Variants in MMP16 observed in about 807,000 individuals in gnomAD.
MMP16 encodes matrix metallopeptidase 16, also known as matrix metalloproteinase-16.
Under a neutral mutation model 67.8 loss-of-function variants are expected in MMP16, and 12 were observed. The observed-to-expected ratio is 0.18, with a 90% CI of 0.11 to 0.29. The LOEUF (loss-of-function observed/expected upper bound fraction) is 0.29, where lower values mean the gene tolerates loss of function less well. MMP16 is among the 10% of genes least tolerant of loss of function. The pLI, the probability that MMP16 is intolerant of heterozygous loss-of-function variation, is 1.00. For synonymous variants in MMP16, 249 were observed against 255.9 expected (o/e 0.97, Z 0.26); for missense variants, 475 against 765.7 (o/e 0.62, Z 4.48).
At chr8:88,099,393 C>A (rs1045436679) in intron 6 of MMP16, among the ~76,000 whole-genome samples, 1 of 151,682 alleles carries the variant, frequency 6.6e-6, no homozygotes, top group Non-Finnish European at 1.5e-5. Flanking sequence ...TGACTTAATA[C>A]AATTTAAAAC....
rs1808013269 is a variant in MMP16 at position 88,033,548 on chromosome 8, GT to G, written c.*7912del. 6.6e-6 allele frequency: 1 copy of G among 151,790 alleles called. No individual in the cohort carries two copies. The highest frequency in any genetic ancestry group is 1.5e-5 in the Non-Finnish European group (1 of 67,876). 9.4% of individuals were successfully genotyped at this position (151,790 alleles called of 1,614,324 possible). ...CAACTATGAACTAATTAGATTTTAT[GT>G]TTTTGTTTAAAAAGTTAAGTTTATT... On this transcript the variant is annotated 3_prime_UTR_variant, in exon 10 of 10. Coordinates refer to ENST00000286614, the MANE Select transcript of MMP16 (RefSeq NM_005941.5).
intron 1 of MMP16, among the ~76,000 whole-genome samples, chr8:88,228,913 C>A (rs529087543): frequency 2.0e-5 from 3 of 152,020 alleles, no homozygotes. Flanking sequence ...GTAACCTCAG[C>A]ACTTTGGGAA....
chr8:88,249,014 C>T (rs762062841), intron 1 of MMP16, among the ~76,000 whole-genome samples: 2 of 151,724 alleles, frequency 1.3e-5, no homozygotes, highest in East Asian at 1.9e-4. Context: ...CAATCACCAA[C>T]GCAACTCTTT....
intron 4 of MMP16, among the ~76,000 whole-genome samples, chr8:88,154,948 A>C (rs1808483553): frequency 6.6e-6 from 1 of 151,958 alleles, no homozygotes. Context: ...TTCTTATGGC[A>C]GTATAGATCA....
chr8:88,294,692 AT>A (rs1810986082), intron 1 of MMP16, among the ~76,000 whole-genome samples: 1 of 152,110 alleles, frequency 6.6e-6, no homozygotes, highest in South Asian at 2.1e-4. Flanking sequence ...AGTTAATGGA[AT>A]ATTAGAATTG....
chr8:88,273,373 G>A (rs1019672838), intron 1 of MMP16, among the ~76,000 whole-genome samples: 5 of 151,666 alleles, frequency 3.3e-5, no homozygotes, highest in Admixed American at 2.6e-4. Flanking sequence ...TTACAGGCGT[G>A]AGCCACCGCA....
intron 1 of MMP16, among the ~76,000 whole-genome samples, chr8:88,205,111 T>C (rs992807516): frequency 7.9e-5 from 12 of 152,226 alleles, no homozygotes; most frequent in African/African-American, 2.9e-4. Flanking sequence ...ACATGCATTA[T>C]CTTTAATCCT....
rs398008661 is a variant in MMP16 at position 88,265,223 on chromosome 8, C to CTTTTTTTT, written c.132+61844_132+61851dup. Reference sequence around the variant, plus strand: ...AACTAAGGGTAGAAATGACCATTTCCTTTTTTTTTTTTTTTTTTTTCAGAT... The same window carrying CTTTTTTTT: ...AACTAAGGGTAGAAATGACCATTTCCTTTTTTTTTTTTTTTTTTTTTTTTTTTTCAGAT... On this transcript the variant is annotated intron_variant, in intron 1 of 9. Coordinates refer to ENST00000286614, the MANE Select transcript of MMP16 (RefSeq NM_005941.5). Among the ~76,000 whole-genome samples, 910 of 100,710 alleles carry CTTTTTTTT rather than the reference C, an allele frequency of 9.0e-3. 64 individuals carry two copies. The highest frequency in any genetic ancestry group is 0.022 in the African/African-American group (537 of 24,862). The allele number at this position is 100,710 out of a possible 152,430, so 66.1% of individuals were successfully genotyped here. A position where few individuals can be genotyped will look rare whatever the true frequency, so the allele number is the denominator to read the frequency against.
intron 1 of MMP16, among the ~76,000 whole-genome samples, chr8:88,286,567 G>C (rs1810835164): frequency 7.3e-6 from 1 of 137,254 alleles, no homozygotes; most frequent in Non-Finnish European, 1.6e-5. Flanking sequence ...ATGAGTCAGA[G>C]ACCTGGAACT....
chr8:88,097,307 C>A (rs1482384399), intron 6 of MMP16, among the ~76,000 whole-genome samples: 1 of 151,766 alleles, frequency 6.6e-6, no homozygotes, highest in Non-Finnish European at 1.5e-5. Flanking sequence ...TGTACAGATT[C>A]ATGCTGCTTA....
At chr8:88,190,780 A>T (rs1401863) in intron 2 of MMP16, among the ~76,000 whole-genome samples, 1 of 152,106 alleles carries the variant, frequency 6.6e-6, no homozygotes, top group Non-Finnish European at 1.5e-5. Context: ...AAATCTAGTC[A>T]CCACCTTTTT....
chr8:88,072,292 G>A (rs1808571984), intron 7 of MMP16, among the ~76,000 whole-genome samples: 1 of 152,072 alleles, frequency 6.6e-6, no homozygotes, highest in African/African-American at 2.4e-5. Flanking sequence ...AGGGTGCTAG[G>A]ACTCTCACTC....
At chr8:88,235,685 C>T (rs1002154629) in intron 1 of MMP16, among the ~76,000 whole-genome samples, 2 of 152,028 alleles carry the variant, frequency 1.3e-5, no homozygotes, top group Non-Finnish European at 2.9e-5. Context: ...ATAGCTCTTT[C>T]GGAGAGGGGG....
chr8:88,074,599 C>T lies in MMP16; in HGVS notation c.1222+6G>A, dbSNP rs1452160429. 3.7e-6 allele frequency: 6 copies of T among 1,612,520 alleles called. No individual in the cohort carries two copies. Among genetic ancestry groups the T allele is most frequent in the Non-Finnish European group, 5.1e-6 (6 of 1,179,212 alleles). ...CAACATAGCCAGATATGGAAAACATCCTTACCTTTAAAGAACACAAAATTC... is the reference window on the plus strand; with the variant it reads ...CAACATAGCCAGATATGGAAAACATTCTTACCTTTAAAGAACACAAAATTC... On this transcript the variant is annotated splice_donor_region_variant and intron_variant, in intron 7 of 9. Coordinates refer to ENST00000286614, the MANE Select transcript of MMP16 (RefSeq NM_005941.5).
At chr8:88,276,196 G>A (rs1810646187) in intron 1 of MMP16, among the ~76,000 whole-genome samples, 1 of 152,032 alleles carries the variant, frequency 6.6e-6, no homozygotes, top group South Asian at 2.1e-4. Context: ...AAGAAACTAT[G>A]AAAACAGTGG....
chr8:88,165,812 AT>A (rs1369491764), intron 4 of MMP16, among the ~76,000 whole-genome samples: 1 of 152,084 alleles, frequency 6.6e-6, no homozygotes, highest in Non-Finnish European at 1.5e-5. Flanking sequence ...AAGTCTACAC[AT>A]TTTTGAACTA....
intron 4 of MMP16, among the ~76,000 whole-genome samples, chr8:88,144,278 T>A (rs954799329): frequency 6.6e-6 from 1 of 151,976 alleles, no homozygotes; most frequent in African/African-American, 2.4e-5. Context: ...AGACATTTAA[T>A]AACAAAATTA....
intron 1 of MMP16, among the ~76,000 whole-genome samples, chr8:88,230,480 G>C (rs751154159): frequency 9.3e-5 from 14 of 151,320 alleles, no homozygotes; most frequent in Non-Finnish European, 2.1e-4. Context: ...AGATAACATA[G>C]ACTGAGGTTT....
At chr8:88,111,644 G>C (rs1007367851) in intron 6 of MMP16, among the ~76,000 whole-genome samples, 1 of 151,724 alleles carries the variant, frequency 6.6e-6, no homozygotes, top group African/African-American at 2.4e-5. Context: ...GTTTTTAGCA[G>C]TGCGGTGGTA....
Sources: allele counts gnomAD v4.1 joint callset (sites outside exome capture counted in the v4.1 genomes callset), GRCh38; gene constraint gnomAD v4.1.1; transcripts MANE v1.5; gene names NCBI Gene and HGNC (gene_info 2026-07-23, HGNC 2026-07-21).